The following CFAP92 variants were observed in gnomAD, a reference collection of about 807,000 sequenced individuals.
CFAP92 encodes the protein uncharacterized protein CFAP92.
CFAP92 carries 86 observed loss-of-function variants against 106.3 expected under a neutral mutation model. The observed-to-expected ratio is 0.81, with a 90% CI of 0.68 to 0.97. The LOEUF (loss-of-function observed/expected upper bound fraction) is 0.97. CFAP92 is among the 50% of genes least tolerant of loss of function. The pLI, the probability that CFAP92 is intolerant of heterozygous loss-of-function variation, is 0.00. For missense variants in CFAP92, 1,204 were observed against 1,283.8 expected (o/e 0.94, Z 0.95); for synonymous variants, 477 against 506.4 (o/e 0.94, Z 0.78).
upstream of CFAP92, among the ~76,000 whole-genome samples, chr3:129,005,370 C>T (rs921544286): frequency 6.6e-6 from 1 of 152,212 alleles, no homozygotes; most frequent in African/African-American, 2.4e-5. Context: ...AGCCCTAGGG[C>T]AGAAGGGACC....
the CFAP92 span, among the ~76,000 whole-genome samples, chr3:129,025,101 T>C: frequency 6.6e-6 from 1 of 151,968 alleles, no homozygotes; most frequent in Non-Finnish European, 1.5e-5. Context: ...GTGCCACAGT[T>C]AAGTTCGGGC....
At chr3:128,985,601 C>A (rs1943804932) in intron 4 of CFAP92, among the ~76,000 whole-genome samples, 1 of 152,196 alleles carries the variant, frequency 6.6e-6, no homozygotes, top group Non-Finnish European at 1.5e-5. Context: ...GATACTCCCA[C>A]CTCAACACCC....
chr3:128,970,381 C>T (rs967894386), intron 8 of CFAP92: 1 of 152,136 alleles, frequency 6.6e-6, no homozygotes. Context: ...GGTTTTTGCC[C>T]CCTTCTCTAT....
At chr3:128,964,284 C>T (rs946834323) in intron 9 of CFAP92, among the ~76,000 whole-genome samples, 2 of 152,182 alleles carry the variant, frequency 1.3e-5, no homozygotes, top group African/African-American at 4.8e-5. Flanking sequence ...ACCACTTTCG[C>T]TTCTACAAGG....
chr3:128,916,358 C>T, intron 12 of CFAP92, 87 bp from the exon 13 acceptor site: 9 of 925,844 alleles, frequency 9.7e-6, no homozygotes, highest in Non-Finnish European at 1.3e-5. Context: ...ATCTCTGGGA[C>T]TTAGCTGTGG....
At position 128,942,680 on chromosome 3, in the gene CFAP92, T is replaced by TA. The variant is rs35079071; in HGVS notation, c.2258+2390_2258+2391insT. 1.1e-4 allele frequency among the ~76,000 whole-genome samples: 9 copies of TA among 81,346 alleles called. No homozygotes were observed. In the Admixed American group the frequency reaches 1.2e-3, roughly 11 times the overall value. 53.4% of individuals were successfully genotyped at this position (81,346 alleles called of 152,430 possible). On this transcript the variant is annotated intron_variant, in intron 10 of 15. Transcript: ENST00000645291. ...TTGCTACACACCACAAAACTCAATC[T>TA]TTTTTTTTTTTTGAGATGGAATCTT...
the CFAP92 span, among the ~76,000 whole-genome samples, chr3:129,017,767 C>T: frequency 8.6e-3 from 1,305 of 152,334 alleles, 20 homozygotes; most frequent in African/African-American, 0.03. Context: ...AGCTGTGCCA[C>T]AGAACATCAT....
At chr3:128,986,052 AAAGACTGAAAGTGGGAAGTTCC>A (rs1943835826) in intron 4 of CFAP92, among the ~76,000 whole-genome samples, 1 of 152,140 alleles carries the variant, frequency 6.6e-6, no homozygotes, top group Non-Finnish European at 1.5e-5. Context: ...GACATAAATG[AAAGACTGAAAGTGGGAAGTTCC>A]AAGCCTCCAA....
intron 15 of CFAP92, chr3:128,912,948 CCTGTGTCAGGTGTGGAT>C (rs753485707): frequency 2.4e-4 from 120 of 506,460 alleles, no homozygotes; most frequent in Non-Finnish European, 4.2e-4. Flanking sequence ...TGGGTGGGGA[CCTGTGTCAGGTGTGGAT>C]AGCCATTTCT....
intron 9 of CFAP92, among the ~76,000 whole-genome samples, chr3:128,958,907 AT>A (rs147098006): frequency 6.6e-6 from 1 of 151,920 alleles, no homozygotes; most frequent in Admixed American, 6.6e-5. Context: ...TCTCAAAAAA[AT>A]TTTTTTAAAA....
chr3:128,919,625 A>G (rs1160789823), intron 12 of CFAP92, among the ~76,000 whole-genome samples: 1 of 152,224 alleles, frequency 6.6e-6, no homozygotes, highest in Admixed American at 6.5e-5. Flanking sequence ...GAAAAGGGAA[A>G]TAATGGTGGT....
chr3:128,941,300 T>G (rs915564375), intron 10 of CFAP92, among the ~76,000 whole-genome samples: 1 of 152,192 alleles, frequency 6.6e-6, no homozygotes, highest in Non-Finnish European at 1.5e-5. Context: ...ACTTTTGGTA[T>G]TTTTTAAATT....
At chr3:129,019,764 CT>C in the CFAP92 span, among the ~76,000 whole-genome samples, 820 of 107,420 alleles carry the variant, frequency 7.6e-3, 3 homozygotes, top group African/African-American at 0.022. Context: ...ATTAAATTTA[CT>C]TTTTTTTTTT....
rs182688337 is a variant in CFAP92 at position 128,924,639 on chromosome 3, G to A, written c.2751+8061C>T. On this transcript the variant is annotated intron_variant, in intron 12 of 15. Transcript: ENST00000645291. Reference sequence around the variant, plus strand: ...TTGTATTTTTTTTAGCACAGATGGGGTTTCTCCATGTTGGTCAGGCTAGTC... The same window carrying A: ...TTGTATTTTTTTTAGCACAGATGGGATTTCTCCATGTTGGTCAGGCTAGTC... Among the ~76,000 whole-genome samples the A allele has an allele frequency of 7.3e-5, 11 of 151,412 alleles. No individual in the cohort carries two copies. The East Asian group carries it at 1.7e-3, about 24-fold the overall frequency.
intron 10 of CFAP92, among the ~76,000 whole-genome samples, chr3:128,939,858 G>A (rs1179724597): frequency 6.6e-6 from 1 of 152,220 alleles, no homozygotes; most frequent in Non-Finnish European, 1.5e-5. Flanking sequence ...CCGCTCCTAT[G>A]AGAATCTAAT....
At chr3:128,935,556 T>C (rs1231472962) in intron 10 of CFAP92, among the ~76,000 whole-genome samples, 1 of 151,736 alleles carries the variant, frequency 6.6e-6, no homozygotes, top group Non-Finnish European at 1.5e-5. Flanking sequence ...TAGTAAAAAA[T>C]ACAAAATTAG....
At chr3:128,977,383 T>C (rs2107792847) in intron 5 of CFAP92, among the ~76,000 whole-genome samples, 1 of 152,226 alleles carries the variant, frequency 6.6e-6, no homozygotes, top group South Asian at 2.1e-4. Context: ...CAGTCCTAAG[T>C]TCCCAACCAT....
chr3:128,964,983 A>G (rs1674764615), intron 9 of CFAP92, among the ~76,000 whole-genome samples: 1 of 152,278 alleles, frequency 6.6e-6, no homozygotes, highest in South Asian at 2.1e-4. Context: ...AGCCCAGGCC[A>G]GGCCATCACA....
intron 10 of CFAP92, 32 bp downstream of exon 10, chr3:128,945,039 T>G: frequency 6.8e-7 from 1 of 1,471,940 alleles, no homozygotes; most frequent in Non-Finnish European, 9.0e-7. Context: ...GATGCCATCA[T>G]TTTTATGTAA....
Sources: allele counts gnomAD v4.1 joint callset (sites outside exome capture counted in the v4.1 genomes callset), GRCh38; gene constraint gnomAD v4.1.1; transcripts MANE v1.5; gene names NCBI Gene and HGNC (gene_info 2026-07-23, HGNC 2026-07-21).